Variants in ADAMTS17 observed in about 807,000 individuals in gnomAD.
ADAMTS17 encodes ADAM metallopeptidase with thrombospondin type 1 motif 17, also known as A disintegrin and metalloproteinase with thrombospondin motifs 17.
Under a neutral mutation model 141.5 loss-of-function variants are expected in ADAMTS17, and 113 were observed. That is an observed-to-expected ratio of 0.80 (90% CI 0.69 to 0.93). The LOEUF is 0.93. Ranked by LOEUF, ADAMTS17 falls within the 40% of genes least tolerant of loss-of-function variation. ADAMTS17 has a pLI of 0.00. For missense variants in ADAMTS17, 1,659 were observed against 1,517.9 expected (o/e 1.09, Z -1.54); for synonymous variants, 768 against 630.6 (o/e 1.22, Z -3.27).
intron 18 of ADAMTS17, among the ~76,000 whole-genome samples, chr15:100,001,986 G>T (rs1351421615): frequency 3.5e-5 from 1 of 28,558 alleles, no homozygotes; most frequent in Non-Finnish European, 9.1e-5. Context: ...CAAAAAAAAG[G>T]CCAAACCCAA....
intron 21 of ADAMTS17, 120 bp from the exon 22 acceptor site, chr15:99,974,682 A>C: frequency 2.3e-6 from 3 of 1,291,946 alleles, no homozygotes; most frequent in Non-Finnish European, 3.3e-6. Flanking sequence ...GCACACGTCA[A>C]CCCTTTGCAC....
intron 15 of ADAMTS17, among the ~76,000 whole-genome samples, chr15:100,064,935 T>C (rs1168487229): frequency 6.6e-6 from 1 of 152,180 alleles, no homozygotes; most frequent in Non-Finnish European, 1.5e-5. Flanking sequence ...AGATTACAAA[T>C]CCTAGCCCTG....
In ADAMTS17 at chr15:100,074,937, T is replaced by G. The variant is rs1052706585; in HGVS notation, c.2138-20883A>C. ...ATTATTTTACATATTTGTACTTTCC[T>G]ACCCCCATTTGGTTCATTAAATGAG... On this transcript the variant is annotated intron_variant, in intron 15 of 21. Transcript: ENST00000268070. Among the ~76,000 whole-genome samples the G allele has an allele frequency of 4.1e-4, 62 of 152,202 alleles. 1 individual carries two copies. The highest frequency in any genetic ancestry group is 4.1e-3 in the Admixed American group (62 of 15,282).
At chr15:99,977,378 ATATATATATATATATATATATAATT>A (rs1567632254) in intron 20 of ADAMTS17, among the ~76,000 whole-genome samples, 9 of 21,182 alleles carry the variant, frequency 4.2e-4, no homozygotes, top group African/African-American at 1.6e-3. Context: ...ATATATATAT[ATATATATATATATATATATATAATT>A]TTTTTTTTTT....
intron 8 of ADAMTS17, among the ~76,000 whole-genome samples, chr15:100,182,478 T>C (rs573190090): frequency 6.6e-6 from 1 of 152,324 alleles, no homozygotes; most frequent in Admixed American, 6.5e-5. Context: ...ACACTCGTTG[T>C]GCTATCCCTC....
chr15:99,998,341 G>A (rs1431454144), intron 18 of ADAMTS17, among the ~76,000 whole-genome samples: 5 of 152,164 alleles, frequency 3.3e-5, no homozygotes, highest in African/African-American at 7.2e-5. Context: ...GGTGGCTGAC[G>A]CCTGTAATCC....
At chr15:100,112,309 G>A (rs974368032) in intron 13 of ADAMTS17, among the ~76,000 whole-genome samples, 2 of 152,012 alleles carry the variant, frequency 1.3e-5, no homozygotes, top group African/African-American at 4.8e-5. Flanking sequence ...GGACAGCTGG[G>A]GACACTCAGG....
chr15:99,978,148 T>C (rs1313455090), intron 20 of ADAMTS17, among the ~76,000 whole-genome samples: 2 of 152,200 alleles, frequency 1.3e-5, no homozygotes, highest in Non-Finnish European at 2.9e-5. Context: ...GAAAGGACCT[T>C]CCTGGGGGTC....
At position 100,132,106 on chromosome 15, in the gene ADAMTS17, T is replaced by G; in HGVS notation, c.1622A>C (p.His541Pro). Residue 541 changes from histidine to proline, a missense_variant, in exon 12 of 22, where the codon CAT becomes CCT. By Grantham distance (77) the His-to-Pro change is moderately conservative (BLOSUM62 -2). Transcript: ENST00000268070. ...ECVSKTPIPE[H>P]VDGDWSPWGA... ...CCACGGGCTCCAGTCTCCGTCCACATGCTCCGGGATGGGCGTCTTGCTCAC... is the reference window on the plus strand; with the variant it reads ...CCACGGGCTCCAGTCTCCGTCCACAGGCTCCGGGATGGGCGTCTTGCTCAC... The G allele has an allele frequency of 6.2e-7, 1 of 1,614,090 alleles. No individual in the cohort carries two copies. Among genetic ancestry groups the G allele is most frequent in the Non-Finnish European group, 8.5e-7 (1 of 1,179,994 alleles).
At chr15:100,196,512 G>C (rs1596248416) in intron 8 of ADAMTS17, among the ~76,000 whole-genome samples, 2 of 152,366 alleles carry the variant, frequency 1.3e-5, no homozygotes, top group East Asian at 3.9e-4. Context: ...ACGAACAGGA[G>C]AGCCACACCT....
intron 7 of ADAMTS17, among the ~76,000 whole-genome samples, chr15:100,222,484 G>A (rs1214021453): frequency 6.6e-6 from 1 of 152,238 alleles, no homozygotes; most frequent in South Asian, 2.1e-4. Flanking sequence ...CTGGCTCAGT[G>A]CTGCACTGGG....
intron 7 of ADAMTS17, among the ~76,000 whole-genome samples, chr15:100,221,126 C>T (rs112008739): frequency 0.015 from 2,290 of 152,086 alleles, 48 homozygotes; most frequent in African/African-American, 0.051. Flanking sequence ...ACCAGTTTGA[C>T]GGGCAAACGC....
chr15:100,119,502 T>A (rs2037343008), intron 12 of ADAMTS17, among the ~76,000 whole-genome samples: 2 of 152,264 alleles, frequency 1.3e-5, no homozygotes, highest in African/African-American at 4.8e-5. Context: ...ATTAACTTCC[T>A]GAGTGGTTAT....
intron 10 of ADAMTS17, among the ~76,000 whole-genome samples, chr15:100,140,144 C>T (rs1048958214): frequency 1.8e-4 from 27 of 151,912 alleles, no homozygotes; most frequent in African/African-American, 5.1e-4. Flanking sequence ...TACAGGCATG[C>T]GCCACCATGC....
chr15:100,266,046 G>A (rs988424559), intron 4 of ADAMTS17, among the ~76,000 whole-genome samples: 1 of 152,182 alleles, frequency 6.6e-6, no homozygotes, highest in Non-Finnish European at 1.5e-5. Context: ...CATGGTAACT[G>A]AGTAAAATTC....
At chr15:100,163,667 T>C (rs919170130) in intron 8 of ADAMTS17, among the ~76,000 whole-genome samples, 1 of 152,194 alleles carries the variant, frequency 6.6e-6, no homozygotes, top group Non-Finnish European at 1.5e-5. Flanking sequence ...GTTTAAATTC[T>C]ATCTGATGCT....
At chr15:100,001,341 T>A (rs2060917453) in intron 18 of ADAMTS17, among the ~76,000 whole-genome samples, 1 of 144,584 alleles carries the variant, frequency 6.9e-6, no homozygotes, top group Non-Finnish European at 1.5e-5. Flanking sequence ...CAAAATAAAC[T>A]GGTCTCTTTT....
At position 99,971,958 on chromosome 15, in the gene ADAMTS17, G is replaced by GATAAGCT. The variant is rs1158391372; in HGVS notation, c.*2437_*2443dup. 6.6e-6 allele frequency: 1 copy of GATAAGCT among 152,188 alleles called. No homozygotes were observed. Among genetic ancestry groups the GATAAGCT allele is most frequent in the East Asian group, 1.9e-4 (1 of 5,202 alleles). 9.4% of individuals were successfully genotyped at this position (152,188 alleles called of 1,614,324 possible). A position where few individuals can be genotyped will look rare whatever the true frequency, so the allele number is the denominator to read the frequency against. ...CAGAAGGTAGGCTGGTGGATTTCAA[G>GATAAGCT]ATAAGCTAAAAGGCCGGGCGCGGTG... On this transcript the variant is annotated 3_prime_UTR_variant, in exon 22 of 22. Transcript: ENST00000268070.
At chr15:100,333,576 T>G (rs2046119227) in intron 2 of ADAMTS17, among the ~76,000 whole-genome samples, 1 of 152,226 alleles carries the variant, frequency 6.6e-6, no homozygotes, top group Non-Finnish European at 1.5e-5. Context: ...CCTACTGCCT[T>G]GATTCCATGT....
Sources: allele counts gnomAD v4.1 joint callset (sites outside exome capture counted in the v4.1 genomes callset), GRCh38; gene constraint gnomAD v4.1.1; transcripts MANE v1.5; gene names NCBI Gene and HGNC (gene_info 2026-07-23, HGNC 2026-07-21).